NRXN3: variants seen among roughly 807,000 people sequenced by gnomAD.
NRXN3 encodes neurexin 3, also known as neurexin III.
Under a neutral mutation model 137.6 loss-of-function variants are expected in NRXN3, and 32 were observed. The observed-to-expected ratio is 0.23, with a 90% confidence interval of 0.18 to 0.31. The LOEUF is 0.31. Ranked by LOEUF, NRXN3 falls within the 10% of genes least tolerant of loss-of-function variation. The probability of loss-of-function intolerance (pLI) is 1.00; values close to 1 mark genes in which losing one functional copy is unlikely to be tolerated. For missense variants in NRXN3, 1,574 were observed against 2,062.5 expected (o/e 0.76, Z 4.59); for synonymous variants, 798 against 784.5 (o/e 1.02, Z -0.29).
intron 15 of NRXN3, among the ~76,000 whole-genome samples, chr14:79,147,013 G>C (rs1003734203): frequency 9.2e-5 from 14 of 152,108 alleles, no homozygotes; most frequent in Admixed American, 9.2e-4. Context: ...TATCAGGTGG[G>C]AGGGGGAACA....
intron 10 of NRXN3, among the ~76,000 whole-genome samples, chr14:78,882,608 G>T (rs1368687852): frequency 6.6e-6 from 1 of 151,596 alleles, no homozygotes; most frequent in African/African-American, 2.4e-5. Flanking sequence ...ATTTGGAATG[G>T]GTATATTTAC....
intron 8 of NRXN3, among the ~76,000 whole-genome samples, chr14:78,783,630 A>G (rs1016200379): frequency 3.3e-5 from 5 of 152,220 alleles, no homozygotes; most frequent in Non-Finnish European, 5.9e-5. Flanking sequence ...GAAACTCAGT[A>G]TAATTTTTAT....
Position 79,147,450 on chromosome 14 carries a change from T to A in NRXN3, c.3262+159309T>A, listed in dbSNP as rs117788929. 1.1e-4 allele frequency among the ~76,000 whole-genome samples: 17 copies of A among 152,242 alleles called. No individual in the cohort carries two copies. In the East Asian group the frequency reaches 3.3e-3, roughly 30 times the overall value. On this transcript the variant is annotated intron_variant, in intron 15 of 20. Transcript: ENST00000335750. ...AGGGATGGATGCTGGAAGTGGGCGA[T>A]CTTGGGAAAGCCTCATTGCCTCAGT...
chr14:79,562,550 T>C (rs1324572687), intron 16 of NRXN3, among the ~76,000 whole-genome samples: 2 of 152,208 alleles, frequency 1.3e-5, no homozygotes, highest in East Asian at 3.9e-4. Context: ...TCAGATAGAA[T>C]GTCCAAATTG....
At position 78,988,181 on chromosome 14, in the gene NRXN3, T is replaced by A. The variant is rs754837228; in HGVS notation, c.3262+40T>A. 4 of 1,611,900 alleles carry A rather than the reference T, an allele frequency of 2.5e-6. No homozygotes were observed. The African/African-American group carries it at 4.0e-5, about 16-fold the overall frequency. ...CTTTCATACTGGAACTTTGTGAAGA[T>A]GTTTGGAGATTTGGAGAATCTTAAA... On this transcript the variant is annotated intron_variant, in intron 15 of 20. Coordinates refer to ENST00000335750, the MANE Select transcript of NRXN3 (RefSeq NM_001330195.2).
intron 15 of NRXN3, among the ~76,000 whole-genome samples, chr14:79,277,926 C>T (rs147364550): frequency 1.0e-3 from 152 of 152,280 alleles, no homozygotes; most frequent in Middle Eastern, 3.4e-3. Context: ...AATACCAGTT[C>T]ACTGCCATAA....
chr14:78,485,081 C>T (rs1329699916), intron 4 of NRXN3, among the ~76,000 whole-genome samples: 1 of 152,218 alleles, frequency 6.6e-6, no homozygotes, highest in Non-Finnish European at 1.5e-5. Flanking sequence ...ACTGCAGAGT[C>T]TCAAGGCTAC....
chr14:78,752,408 C>T (rs2098647337), intron 8 of NRXN3, among the ~76,000 whole-genome samples: 1 of 152,182 alleles, frequency 6.6e-6, no homozygotes, highest in Admixed American at 6.5e-5. Context: ...GAGTGAGATT[C>T]TGTCTTTTAA....
At chr14:79,615,744 A>T (rs2098147308) in intron 16 of NRXN3, among the ~76,000 whole-genome samples, 1 of 152,088 alleles carries the variant, frequency 6.6e-6, no homozygotes, top group African/African-American at 2.4e-5. Context: ...CTATCAAAAG[A>T]ACTGCTTGGG....
At chr14:78,235,008 A>ATATATATATGTG (rs2066033537) in intron 1 of NRXN3, among the ~76,000 whole-genome samples, 2 of 101,110 alleles carry the variant, frequency 2.0e-5, no homozygotes, top group African/African-American at 8.2e-5. Context: ...ATATATATAT[A>ATATATATATGTG]TATATATATA....
intron 17 of NRXN3, among the ~76,000 whole-genome samples, chr14:79,681,941 CT>C (rs2098672659): frequency 6.6e-6 from 1 of 152,002 alleles, no homozygotes; most frequent in African/African-American, 2.4e-5. Flanking sequence ...TTGATTCTTT[CT>C]GCCATATCCC....
At chr14:78,475,104 T>C (rs923445264) in intron 4 of NRXN3, among the ~76,000 whole-genome samples, 7 of 152,098 alleles carry the variant, frequency 4.6e-5, no homozygotes, top group Non-Finnish European at 7.4e-5. Flanking sequence ...GTTTAACCGA[T>C]AGAGTGGGTG....
At chr14:79,042,882 A>G (rs796918233) in intron 15 of NRXN3, among the ~76,000 whole-genome samples, 37 of 152,136 alleles carry the variant, frequency 2.4e-4, no homozygotes, top group African/African-American at 8.4e-4. Context: ...ATCAAAATGC[A>G]GCAAAAGGAT....
At chr14:78,820,966 A>G (rs2098949107) in intron 10 of NRXN3, among the ~76,000 whole-genome samples, 1 of 152,204 alleles carries the variant, frequency 6.6e-6, no homozygotes. Flanking sequence ...ACCAAGGCTC[A>G]TGGACACTGA....
chr14:79,613,827 C>T (rs1403617768), intron 16 of NRXN3, among the ~76,000 whole-genome samples: 2 of 152,216 alleles, frequency 1.3e-5, no homozygotes, highest in Non-Finnish European at 2.9e-5. Context: ...TTTAGCTTAG[C>T]AGGAAACACA....
At chr14:79,266,135 G>A (rs1184263) in intron 15 of NRXN3, among the ~76,000 whole-genome samples, 51,690 of 151,914 alleles carry the variant, frequency 0.34, 9,071 homozygotes, top group Admixed American at 0.45. Context: ...TGAGTTGCCT[G>A]ATATCTGGCA....
intron 4 of NRXN3, among the ~76,000 whole-genome samples, chr14:78,603,478 T>C (rs1005581593): frequency 1.3e-5 from 2 of 152,148 alleles, no homozygotes; most frequent in African/African-American, 2.4e-5. Flanking sequence ...GTATTTTACA[T>C]ATAATTTAGA....
intron 15 of NRXN3, among the ~76,000 whole-genome samples, chr14:79,339,982 G>A (rs186640152): frequency 1.3e-5 from 2 of 152,242 alleles, no homozygotes; most frequent in African/African-American, 4.8e-5. Context: ...TTTGAAGAAG[G>A]TATTTGAAAT....
chr14:78,854,854 G>A (rs1458553883), intron 10 of NRXN3, among the ~76,000 whole-genome samples: 1 of 152,076 alleles, frequency 6.6e-6, no homozygotes, highest in Non-Finnish European at 1.5e-5. Context: ...GGTGGATCAC[G>A]AGGTCAAGAA....
Sources: allele counts gnomAD v4.1 joint callset (sites outside exome capture counted in the v4.1 genomes callset), GRCh38; gene constraint gnomAD v4.1.1; transcripts MANE v1.5; gene names NCBI Gene and HGNC (gene_info 2026-07-23, HGNC 2026-07-21).